Variants in SMIM7 observed in about 807,000 individuals in gnomAD.
The protein encoded by SMIM7 is small integral membrane protein 7.
In SMIM7, 12 loss-of-function variants were observed where a neutral mutation model predicts 13.3. The observed-to-expected ratio is 0.90, with a 90% CI of 0.58 to 1.46. The LOEUF is 1.46. SMIM7 is among the 40% of genes most tolerant of loss of function. The probability of loss-of-function intolerance (pLI) is 0.00; values close to 1 mark genes in which losing one functional copy is unlikely to be tolerated. For missense variants in SMIM7, 114 were observed against 94.8 expected (o/e 1.20, Z -0.84); for synonymous variants, 36 against 35.8 (o/e 1.01, Z -0.02).
At chr19:16,649,528 G>A (rs1340146730) in intron 4 of SMIM7, among the ~76,000 whole-genome samples, 5 of 152,068 alleles carry the variant, frequency 3.3e-5, no homozygotes, top group African/African-American at 1.2e-4. Flanking sequence ...AGCTGAGAAC[G>A]TGCCACTGCA....
At chr19:16,651,271 G>A (rs1045047355) in intron 4 of SMIM7, among the ~76,000 whole-genome samples, 4 of 152,190 alleles carry the variant, frequency 2.6e-5, no homozygotes, top group African/African-American at 4.8e-5. Context: ...TGCAAGCCAT[G>A]TCATCTCTGT....
intron 4 of SMIM7, among the ~76,000 whole-genome samples, chr19:16,650,676 C>T (rs971962771): frequency 4.0e-5 from 6 of 149,878 alleles, no homozygotes; most frequent in Non-Finnish European, 8.9e-5. Flanking sequence ...TGCCACTGCA[C>T]TCCAGTCTGG....
At chr19:16,658,414 C>T (rs1163279224) in intron 3 of SMIM7, among the ~76,000 whole-genome samples, 1 of 152,194 alleles carries the variant, frequency 6.6e-6, no homozygotes, top group Non-Finnish European at 1.5e-5. Context: ...CAAATAGTTA[C>T]ACAATCAAAT....
chr19:16,653,047 T>A, intron 4 of SMIM7: 1 of 1,454,098 alleles, frequency 6.9e-7, no homozygotes, highest in Non-Finnish European at 9.3e-7. Flanking sequence ...GAGCAGGATC[T>A]GGCAGTGTGC....
At chr19:16,638,372 C>G (rs370139490) in intron 4 of SMIM7, among the ~76,000 whole-genome samples, 3 of 147,062 alleles carry the variant, frequency 2.0e-5, no homozygotes, top group Admixed American at 6.9e-5. Context: ...GGCACGATCT[C>G]GGCTCACTGC....
At chr19:16,635,642 GA>G (rs1194443009) in intron 4 of SMIM7, among the ~76,000 whole-genome samples, 1 of 151,966 alleles carries the variant, frequency 6.6e-6, no homozygotes, top group African/African-American at 2.4e-5. Flanking sequence ...AGCACTTTGA[GA>G]GGCCGAGGCG....
At chr19:16,643,705 T>A (rs2086421644), downstream of SMIM7, among the ~76,000 whole-genome samples, 1 of 152,076 alleles carries the variant, frequency 6.6e-6, no homozygotes, top group Non-Finnish European at 1.5e-5. Flanking sequence ...CCTAAAAAAT[T>A]TTTTCAAGCA....
exon 5 of SMIM7, chr19:16,631,577 G>A (rs2086321560): frequency 1.3e-5 from 2 of 152,254 alleles, no homozygotes; most frequent in Non-Finnish European, 2.9e-5. Context: ...GGCCTAAGCA[G>A]GAACCGGGAT....
At chr19:16,632,390 G>C (rs1290141667) in intron 4 of SMIM7, among the ~76,000 whole-genome samples, 2 of 152,022 alleles carry the variant, frequency 1.3e-5, no homozygotes, top group Admixed American at 6.6e-5. Context: ...AGTAGGGATG[G>C]GGATACAGAA....
At chr19:16,642,916 C>G (rs1321857782), downstream of SMIM7, among the ~76,000 whole-genome samples, 1 of 151,614 alleles carries the variant, frequency 6.6e-6, no homozygotes, top group African/African-American at 2.4e-5. Flanking sequence ...CTCCACCTCC[C>G]AAGTTCAAGA....
chr19:16,635,899 A>AAAAAAAAAAAATATATATATAT (rs1200181092), intron 4 of SMIM7, among the ~76,000 whole-genome samples: 1 of 109,596 alleles, frequency 9.1e-6, no homozygotes, highest in African/African-American at 4.3e-5. Context: ...AAAAAAAAAA[A>AAAAAAAAAAAATATATATATAT]ATATATATAT....
rs555849139 is a variant in SMIM7, at chr19:16,637,466, C to T, written c.*138-5742G>A. 9.4e-4 allele frequency among the ~76,000 whole-genome samples: 143 copies of T among 152,290 alleles called. 1 individual carries two copies. The highest frequency in any genetic ancestry group is 3.4e-3 in the African/African-American group (142 of 41,556). On this transcript the variant is annotated intron_variant and NMD_transcript_variant, in intron 4 of 4. Coordinates refer to the SMIM7 transcript ENST00000465250. ...AGGCTACATTGAGCCATGATCGCCTCACCTGGGTGACAAAGTGAGACTGTG... is the reference window on the plus strand; with the variant it reads ...AGGCTACATTGAGCCATGATCGCCTTACCTGGGTGACAAAGTGAGACTGTG...
chr19:16,637,369 C>T (rs1243376483), intron 4 of SMIM7, among the ~76,000 whole-genome samples: 1 of 151,978 alleles, frequency 6.6e-6, no homozygotes, highest in Non-Finnish European at 1.5e-5. Context: ...ATACATTAGC[C>T]AGCTGTGGTG....
intron 4 of SMIM7, among the ~76,000 whole-genome samples, chr19:16,635,899 A>AAAT (rs1200181092): frequency 0.015 from 1,683 of 109,410 alleles, 24 homozygotes; most frequent in African/African-American, 0.019. Context: ...AAAAAAAAAA[A>AAAT]ATATATATAT....
At chr19:16,630,852 G>A (rs1443241750) in exon 5 of SMIM7, 1 of 152,198 alleles carries the variant, frequency 6.6e-6, no homozygotes, top group Non-Finnish European at 1.5e-5. Context: ...ACATTAGCAA[G>A]TTCTTTTAGG....
chr19:16,658,870 C>G (rs1353287082), intron 3 of SMIM7, among the ~76,000 whole-genome samples: 1 of 151,802 alleles, frequency 6.6e-6, no homozygotes, highest in Non-Finnish European at 1.5e-5. Context: ...CATAACAGAA[C>G]ATTATAACGG....
chr19:16,651,857 G>A (rs541060806), intron 4 of SMIM7, among the ~76,000 whole-genome samples: 2,040 of 144,032 alleles, frequency 0.014, 55 homozygotes, highest in African/African-American at 0.052. Flanking sequence ...GCAAAGATGA[G>A]AATGAGAAGC....
At chr19:16,653,519 G>A (rs776240670) in intron 4 of SMIM7, among the ~76,000 whole-genome samples, 13 of 151,708 alleles carry the variant, frequency 8.6e-5, no homozygotes, top group Non-Finnish European at 1.5e-4. Context: ...GGAGGCAGAG[G>A]TTGCAGTGAG....
chr19:16,632,066 C>T (rs2122480495), intron 4 of SMIM7, among the ~76,000 whole-genome samples: 1 of 152,056 alleles, frequency 6.6e-6, no homozygotes, highest in East Asian at 1.9e-4. Context: ...GACAGGGTTT[C>T]ACCATGTTGG....
Sources: allele counts gnomAD v4.1 joint callset (sites outside exome capture counted in the v4.1 genomes callset), GRCh38; gene constraint gnomAD v4.1.1; transcripts MANE v1.5; gene names NCBI Gene and HGNC (gene_info 2026-07-23, HGNC 2026-07-21).